Variants in ABCB11 observed in about 807,000 individuals in gnomAD.
ABCB11 encodes bile salt export pump.
A neutral mutation model predicts 148.0 loss-of-function variants in ABCB11; 95 were observed. That is an observed-to-expected ratio of 0.64 (90% CI 0.54 to 0.76). The LOEUF (loss-of-function observed/expected upper bound fraction) is 0.76. ABCB11 is among the 30% of genes least tolerant of loss of function. The probability of loss-of-function intolerance (pLI) is 0.00; values close to 1 mark genes in which losing one functional copy is unlikely to be tolerated. For missense variants in ABCB11, 1,523 were observed against 1,617.8 expected, an observed-to-expected ratio of 0.94 and a Z score of 1.01; for synonymous variants, 591 against 555.4, an observed-to-expected ratio of 1.06 and a Z score of -0.90.
At chr2:168,934,204 T>C (rs988309876) in intron 23 of ABCB11, among the ~76,000 whole-genome samples, 2 of 152,188 alleles carry the variant, frequency 1.3e-5, no homozygotes, top group Non-Finnish European at 2.9e-5. Flanking sequence ...TAGCTTTAAA[T>C]ATGCAAAGAT....
intron 26 of ABCB11, among the ~76,000 whole-genome samples, chr2:168,925,517 C>A (rs916282991): frequency 6.6e-6 from 1 of 152,180 alleles, no homozygotes; most frequent in Admixed American, 6.5e-5. Context: ...AGAAACCATA[C>A]CCACACTATT....
At chr2:169,023,085 G>A (rs1345667865) in intron 1 of ABCB11, among the ~76,000 whole-genome samples, 1 of 152,112 alleles carries the variant, frequency 6.6e-6, no homozygotes, top group Non-Finnish European at 1.5e-5. Context: ...AAGATGTGGA[G>A]GAAAGAGTCC....
chr2:169,016,689 A>T, intron 3 of ABCB11, 89 bp downstream of exon 3: 3 of 1,029,872 alleles, frequency 2.9e-6, no homozygotes, highest in Non-Finnish European at 4.5e-6. Context: ...TGCAATGTGC[A>T]TGAAAGTATT....
chr2:168,963,158 A>C (rs765373227), intron 18 of ABCB11, among the ~76,000 whole-genome samples: 3 of 151,778 alleles, frequency 2.0e-5, no homozygotes, highest in Non-Finnish European at 4.4e-5. Context: ...TGTAATTTAA[A>C]AATTCTCTGA....
intron 19 of ABCB11, among the ~76,000 whole-genome samples, chr2:168,955,816 T>C (rs1380581577): frequency 2.0e-5 from 3 of 151,658 alleles, no homozygotes; most frequent in Admixed American, 6.6e-5. Context: ...AATAAGTTTG[T>C]TACTTCCCAG....
intron 21 of ABCB11, among the ~76,000 whole-genome samples, chr2:168,943,867 GT>G (rs1375061961): frequency 6.6e-6 from 1 of 151,712 alleles, no homozygotes; most frequent in East Asian, 1.9e-4. Flanking sequence ...CTTTGGTTTT[GT>G]TTTTTAAAGA....
Position 168,920,928 on chromosome 2 carries a change from T to G in ABCB11, c.*2694A>C, listed in dbSNP as rs548103483. 2.0e-5 allele frequency among the ~76,000 whole-genome samples: 3 copies of G among 152,358 alleles called. No individual in the cohort carries two copies. The South Asian group carries it at 6.2e-4, about 32-fold the overall frequency. Reference sequence around the variant, plus strand: ...CATCAATAACTTTCAAGTATCTTATTTGAAAATATAATTTGTACTAATTCC... The same window carrying G: ...CATCAATAACTTTCAAGTATCTTATGTGAAAATATAATTTGTACTAATTCC... On this transcript the variant is annotated 3_prime_UTR_variant, in exon 28 of 28. Coordinates refer to ENST00000650372, the MANE Select transcript of ABCB11 (RefSeq NM_003742.4).
intron 26 of ABCB11, 107 bp downstream of exon 26, chr2:168,927,049 T>G: frequency 8.7e-7 from 1 of 1,154,664 alleles, no homozygotes; most frequent in Non-Finnish European, 1.2e-6. Flanking sequence ...TTGGAACATT[T>G]TGGATTTGGG....
In ABCB11 at chr2:169,016,802, G is replaced by A. The variant is rs764898608; in HGVS notation, c.77-3C>T. The stretch of plus-strand genomic sequence containing the variant: ...CCTTGATTTCTTATCATTATTATCT[G>A]TCAGAAAAAAAAATCAACGCAAAAA... On this transcript the variant is annotated splice_region_variant and splice_polypyrimidine_tract_variant and intron_variant, in intron 2 of 27. Coordinates refer to ENST00000650372, the MANE Select transcript of ABCB11 (RefSeq NM_003742.4). The A allele has an allele frequency of 6.3e-7, 1 of 1,586,884 alleles. No homozygotes were observed. Among genetic ancestry groups the A allele is most frequent in the East Asian group, 2.3e-5 (1 of 44,428 alleles).
intron 11 of ABCB11, among the ~76,000 whole-genome samples, chr2:168,977,352 C>T (rs908790579): frequency 5.3e-5 from 8 of 152,098 alleles, no homozygotes; most frequent in Middle Eastern, 3.4e-3. Context: ...ATCGGGGGTC[C>T]GAGGGTATTC....
At position 169,013,343 on chromosome 2, in the gene ABCB11, T is replaced by A. The variant is rs371672954; in HGVS notation, c.318A>T (p.Ala106=). ...ELQELQIPGK[A]CVNNTIVWTN... is the part of the protein sequence containing the mutation. ...TCCATACAATGGTGTTATTCACACA[T>A]GCTTTTCCTGGAATCTGGAGTTCTT... Residue 106 remains alanine (A), a synonymous_variant, in exon 5 of 28, where the codon GCA becomes GCT. Transcript: ENST00000650372. 1 of 1,613,728 alleles carries A rather than the reference T, an allele frequency of 6.2e-7. No homozygotes were observed. Among genetic ancestry groups the A allele is most frequent in the South Asian group, 1.1e-5 (1 of 91,078 alleles).
intron 23 of ABCB11, among the ~76,000 whole-genome samples, chr2:168,934,589 T>C (rs1691732896): frequency 6.6e-6 from 1 of 151,846 alleles, no homozygotes; most frequent in Non-Finnish European, 1.5e-5. Context: ...TTGGGAGGAG[T>C]CAGCCCTCTT....
intron 1 of ABCB11, among the ~76,000 whole-genome samples, chr2:169,028,548 C>T (rs1460559061): frequency 6.6e-6 from 1 of 152,058 alleles, no homozygotes; most frequent in Non-Finnish European, 1.5e-5. Flanking sequence ...GCTGAAGGAG[C>T]CCAGTGAATC....
rs1166356679 is a variant in ABCB11 at position 169,029,724 on chromosome 2, C to CTT, written c.-28+1499_-28+1500dup. Among the ~76,000 whole-genome samples the CTT allele has an allele frequency of 0.012, 1,090 of 88,262 alleles. 225 individuals are homozygous for CTT. The East Asian group carries it at 0.13, about 10-fold the overall frequency. The allele number at this position is 88,262 out of a possible 152,430, so 57.9% of individuals were successfully genotyped here. A position where few individuals can be genotyped will look rare whatever the true frequency, so the allele number is the denominator to read the frequency against. The stretch of plus-strand genomic sequence containing the variant: ...GTCTCTAAATGTACAGTTCTTTCCT[C>CTT]TTTTTTTTTTTTTTTTTTTTTTTTT... On this transcript the variant is annotated intron_variant, in intron 1 of 27. Transcript: ENST00000650372.
rs1334068953 is a variant in ABCB11, at chr2:168,996,678, T to C, written c.434A>G (p.Tyr145Cys). 3 of 1,575,362 alleles carry C rather than the reference T, an allele frequency of 1.9e-6. No homozygotes were observed. The highest frequency in any genetic ancestry group is 1.4e-5 in the African/African-American group (1 of 73,696). ...ESEMIKFASY[Y>C]AGIAVAVLIT... is the part of the protein sequence containing the mutation. ...AAGTACTGCGACAGCAATTCCAGCA[T>C]AGTAACTGGCAAATTTGATCATTTC... Residue 145 changes from tyrosine to cysteine, a missense_variant, in exon 6 of 28, where the codon TAT becomes TGT. Physicochemically the swap from Tyr to Cys is radical, Grantham distance 194 (BLOSUM62 -2). Coordinates refer to ENST00000650372, the MANE Select transcript of ABCB11 (RefSeq NM_003742.4).
At chr2:168,965,108 G>T (rs1693242060) in intron 17 of ABCB11, among the ~76,000 whole-genome samples, 1 of 151,890 alleles carries the variant, frequency 6.6e-6, no homozygotes. Context: ...TATGGCAGGT[G>T]TTACCAAGGC....
intron 13 of ABCB11, among the ~76,000 whole-genome samples, chr2:168,973,204 T>C (rs998593331): frequency 2.6e-5 from 4 of 152,040 alleles, no homozygotes; most frequent in African/African-American, 4.8e-5. Context: ...TGTACAGTTA[T>C]GCATAGCTAA....
chr2:169,016,979 T>TACACACACACAC (rs71397686), intron 2 of ABCB11, among the ~76,000 whole-genome samples, 180 bp from the exon 3 acceptor site: 86 of 138,090 alleles, frequency 6.2e-4, no homozygotes, highest in African/African-American at 9.8e-4. Flanking sequence ...TCTATCTTTC[T>TACACACACACAC]ACACACACAC....
At chr2:168,975,100 TATAG>T (rs1164496483) in intron 12 of ABCB11, among the ~76,000 whole-genome samples, 4 of 87,534 alleles carry the variant, frequency 4.6e-5, no homozygotes, top group Non-Finnish European at 4.9e-5. Context: ...TTTAAATATT[TATAG>T]ATAAATGTAT....
Sources: allele counts gnomAD v4.1 joint callset (sites outside exome capture counted in the v4.1 genomes callset), GRCh38; gene constraint gnomAD v4.1.1; transcripts MANE v1.5; gene names NCBI Gene and HGNC (gene_info 2026-07-23, HGNC 2026-07-21).